Variants in NKAIN2 observed in about 807,000 individuals in gnomAD.
NKAIN2 encodes sodium/potassium-transporting ATPase subunit beta-1-interacting protein 2.
NKAIN2 carries 14 observed loss-of-function variants against 32.6 expected under a neutral mutation model. The observed-to-expected ratio is 0.43, with a 90% CI of 0.28 to 0.67. The LOEUF (loss-of-function observed/expected upper bound fraction) is 0.67, where lower values mean the gene tolerates loss of function less well. NKAIN2 is among the 30% of genes least tolerant of loss of function. The pLI is 0.17. For synonymous variants in NKAIN2, 80 were observed against 87.2 expected (o/e 0.92, Z 0.46); for missense variants, 198 against 258.3 (o/e 0.77, Z 1.60).
intron 4 of NKAIN2, among the ~76,000 whole-genome samples, chr6:124,707,248 C>T (rs1775136003): frequency 6.6e-6 from 1 of 152,078 alleles, no homozygotes; most frequent in South Asian, 2.1e-4. Flanking sequence ...CATTGTTGGA[C>T]ATTTGGGTTG....
At chr6:124,786,851 T>G (rs184386804) in intron 4 of NKAIN2, among the ~76,000 whole-genome samples, 39 of 152,228 alleles carry the variant, frequency 2.6e-4, no homozygotes, top group Admixed American at 1.4e-3. Flanking sequence ...AAAATAAAAT[T>G]ATTTTCTTTC....
chr6:124,690,876 T>C (rs1447478454), intron 4 of NKAIN2, among the ~76,000 whole-genome samples: 1 of 152,184 alleles, frequency 6.6e-6, no homozygotes, highest in Non-Finnish European at 1.5e-5. Context: ...ACTGGATTTA[T>C]TTTGTCACAT....
intron 1 of NKAIN2, among the ~76,000 whole-genome samples, chr6:123,834,983 G>A (rs1774553338): frequency 6.6e-6 from 1 of 152,016 alleles, no homozygotes; most frequent in Non-Finnish European, 1.5e-5. Flanking sequence ...GCTCTGTTGA[G>A]GATTTCTATA....
intron 4 of NKAIN2, among the ~76,000 whole-genome samples, chr6:124,668,648 T>C (rs1772940128): frequency 1.3e-5 from 2 of 152,276 alleles, no homozygotes; most frequent in African/African-American, 4.8e-5. Flanking sequence ...AGTCCTACCA[T>C]ACGATATGTT....
intron 3 of NKAIN2, among the ~76,000 whole-genome samples, chr6:124,426,804 A>G (rs888488498): frequency 1.3e-5 from 2 of 152,168 alleles, no homozygotes; most frequent in African/African-American, 4.8e-5. Flanking sequence ...GGTCTTTCCC[A>G]TGCCATTCTC....
At position 124,378,151 on chromosome 6, in the gene NKAIN2, C is replaced by A. The variant is rs556195988; in HGVS notation, c.273+22804C>A. 9.2e-5 allele frequency among the ~76,000 whole-genome samples: 14 copies of A among 152,244 alleles called. No individual in the cohort carries two copies. In the South Asian group the frequency reaches 2.5e-3, roughly 27 times the overall value. ...CCCTGTGAAGCAGGTTCACTGTGCACCCATTATCACTTCAGCCCAATGCAC... is the reference window on the plus strand; with the variant it reads ...CCCTGTGAAGCAGGTTCACTGTGCAACCATTATCACTTCAGCCCAATGCAC... On this transcript the variant is annotated intron_variant, in intron 3 of 6. Transcript: ENST00000368417.
rs185900436 is a variant in NKAIN2, at chr6:124,333,811, C to T, written c.193-21456C>T. Among the ~76,000 whole-genome samples the T allele has an allele frequency of 4.6e-5, 7 of 152,154 alleles. No homozygotes were observed. In the East Asian group the frequency reaches 1.4e-3, roughly 29 times the overall value. On this transcript the variant is annotated intron_variant, in intron 2 of 6. Transcript: ENST00000368417. Reference sequence around the variant, plus strand: ...TAAGGCTTTAATTCAGAAGGTAAGCCTATACCTTTATCCTTTTTGTCCTTA... The same window carrying T: ...TAAGGCTTTAATTCAGAAGGTAAGCTTATACCTTTATCCTTTTTGTCCTTA...
chr6:124,333,858 A>C (rs1367928635), intron 2 of NKAIN2, among the ~76,000 whole-genome samples: 9 of 152,200 alleles, frequency 5.9e-5, no homozygotes, highest in Non-Finnish European at 2.9e-5. Flanking sequence ...TGAAATCAAA[A>C]GGATATTTTA....
chr6:124,505,241 A>G (rs928622430), intron 3 of NKAIN2, among the ~76,000 whole-genome samples: 16 of 152,216 alleles, frequency 1.1e-4, no homozygotes, highest in Non-Finnish European at 2.4e-4. Flanking sequence ...TTGCTTATCT[A>G]TGTTTTATAT....
At chr6:124,581,484 TAATCTG>T (rs1158933074) in intron 3 of NKAIN2, among the ~76,000 whole-genome samples, 1 of 148,230 alleles carries the variant, frequency 6.7e-6, no homozygotes, top group Non-Finnish European at 1.5e-5. Context: ...ACATTGGACT[TAATCTG>T]AATTATAGAC....
intron 1 of NKAIN2, among the ~76,000 whole-genome samples, chr6:124,101,140 T>C (rs1232325385): frequency 1.3e-5 from 2 of 152,156 alleles, no homozygotes; most frequent in African/African-American, 4.8e-5. Context: ...TACAAAAGTG[T>C]GAGAGGACTG....
At chr6:124,729,079 C>G (rs1319640671) in intron 4 of NKAIN2, among the ~76,000 whole-genome samples, 1 of 151,954 alleles carries the variant, frequency 6.6e-6, no homozygotes, top group Non-Finnish European at 1.5e-5. Flanking sequence ...GCTTACCAAC[C>G]AAAAAGAGTC....
chr6:124,361,792 G>A (rs1344570410), intron 3 of NKAIN2, among the ~76,000 whole-genome samples: 2 of 152,082 alleles, frequency 1.3e-5, no homozygotes, highest in Non-Finnish European at 2.9e-5. Flanking sequence ...ATATACTGTA[G>A]ACTATAGGGA....
intron 3 of NKAIN2, among the ~76,000 whole-genome samples, chr6:124,585,467 G>T (rs545220842): frequency 4.4e-4 from 67 of 152,150 alleles, no homozygotes; most frequent in Non-Finnish European, 7.2e-4. Context: ...GAGTATAATT[G>T]GATTATGTCA....
chr6:124,523,263 C>A (rs1779190835), intron 3 of NKAIN2, among the ~76,000 whole-genome samples: 1 of 151,392 alleles, frequency 6.6e-6, no homozygotes, highest in African/African-American at 2.4e-5. Context: ...GAATTATGTT[C>A]ATATGTTTTA....
chr6:124,520,242 G>A (rs926602919), intron 3 of NKAIN2, among the ~76,000 whole-genome samples: 2 of 152,102 alleles, frequency 1.3e-5, no homozygotes, highest in African/African-American at 4.8e-5. Flanking sequence ...CATAAAGCAA[G>A]CTAAACCCCT....
At chr6:123,935,552 A>G (rs1261597693) in intron 1 of NKAIN2, among the ~76,000 whole-genome samples, 5 of 152,032 alleles carry the variant, frequency 3.3e-5, no homozygotes, top group African/African-American at 1.2e-4. Context: ...TTAAGAGTGT[A>G]TTTGATTAAG....
chr6:124,017,024 C>A (rs1276278652), intron 1 of NKAIN2, among the ~76,000 whole-genome samples: 1 of 152,156 alleles, frequency 6.6e-6, no homozygotes, highest in African/African-American at 2.4e-5. Flanking sequence ...AAAAACATAT[C>A]TGAGACTAGG....
chr6:124,356,390 T>C (rs1224155363), intron 3 of NKAIN2, among the ~76,000 whole-genome samples: 1 of 152,230 alleles, frequency 6.6e-6, no homozygotes. Flanking sequence ...TATGTGGCTT[T>C]ATATCAAGGA....
Sources: gnomAD v4.1 joint callset for allele counts (sites outside exome capture counted in the v4.1 genomes callset) on GRCh38, gnomAD v4.1.1 for gene constraint, MANE v1.5 for transcripts, NCBI Gene and HGNC (gene_info 2026-07-23, HGNC 2026-07-21) for gene names.